Variants in PSG8 observed in about 807,000 individuals in gnomAD.
The protein encoded by PSG8 is pregnancy specific beta-1-glycoprotein 8.
Under a neutral mutation model 42.5 loss-of-function variants are expected in PSG8, and 57 were observed. The observed-to-expected ratio is 1.34, with a 90% CI of 1.08 to 1.67. The LOEUF (loss-of-function observed/expected upper bound fraction) is 1.67, where lower values mean the gene tolerates loss of function less well. Ranked by LOEUF, PSG8 falls within the 40% of genes most tolerant of loss-of-function variation. The probability of loss-of-function intolerance (pLI) is 0.00; values close to 1 mark genes in which losing one functional copy is unlikely to be tolerated. For synonymous variants in PSG8, 280 were observed against 196.8 expected, an observed-to-expected ratio of 1.42 and a Z score of -3.54; for missense variants, 783 against 518.6, an observed-to-expected ratio of 1.51 and a Z score of -4.95.
At position 42,758,252 on chromosome 19, in the gene PSG8, G is replaced by C. The variant is rs749942568; in HGVS notation, c.459C>G (p.Ser153Arg). 33 of 1,613,990 alleles carry C rather than the reference G, an allele frequency of 2.0e-5. No homozygotes were observed. The South Asian group carries it at 3.5e-4, about 17-fold the overall frequency. The change falls in exon 3 of 5, where the codon AGC (serine) becomes AGG (arginine). Residue 153 changes from serine to arginine, a missense_variant. Ser to Arg is a moderately radical substitution (Grantham distance 110). Transcript: ENST00000306511. Reference protein sequence around the residue: ...YLETPKPSISSSKLNPREAME... With the variant: ...YLETPKPSISRSKLNPREAME... Reference sequence around the variant, plus strand: ...TGGCCTCCCTGGGGTTTAATTTGCTGCTGGAGATGGAGGGCTTGGGAGTCT... The same window carrying C: ...TGGCCTCCCTGGGGTTTAATTTGCTCCTGGAGATGGAGGGCTTGGGAGTCT...
intron 3 of PSG8, among the ~76,000 whole-genome samples, chr19:42,756,830 C>T (rs1312301121): frequency 1.3e-5 from 2 of 151,696 alleles, no homozygotes; most frequent in African/African-American, 4.8e-5. Context: ...TTAATAAGAG[C>T]CTGTCAGGTG....
chr19:42,753,982 A>T (rs1323348133), downstream of PSG8: 2 of 652,462 alleles, frequency 3.1e-6, no homozygotes. Flanking sequence ...TATAAGCTAC[A>T]GATAGGTTAA....
intron 2 of PSG8, among the ~76,000 whole-genome samples, chr19:42,759,940 G>T (rs535827755): frequency 6.6e-6 from 1 of 152,242 alleles, no homozygotes; most frequent in Admixed American, 6.5e-5. Flanking sequence ...AGAGAGTCCC[G>T]TTAAAAGGAC....
downstream of PSG8, chr19:42,754,021 C>G (rs369647703): frequency 7.2e-5 from 63 of 876,820 alleles, 1 homozygote; most frequent in Admixed American, 3.7e-4. Flanking sequence ...ATGTAGAAAA[C>G]AAACCATTTA....
rs765843579 is a variant in PSG8 at position 42,755,142 on chromosome 19, C to A, written c.834G>T (p.Gln278His). Residue 278 changes from glutamine to histidine, a missense_variant, in exon 4 of 5, where the codon CAG (glutamine) becomes CAT (histidine). Coordinates refer to ENST00000306511, the MANE Select transcript of PSG8 (RefSeq NM_182707.3). ...NYTYIWWLNGQSLPVSPRVKR... is the reference protein window; with the variant it reads ...NYTYIWWLNGHSLPVSPRVKR... ...TTACCCTGGGACTGACCGGGAGGCT[C>A]TGACCATTTAGCCACCAAATGTAGG... 6 of 1,611,896 alleles carry A rather than the reference C, an allele frequency of 3.7e-6. No individual in the cohort carries two copies. Among genetic ancestry groups the A allele is most frequent in the Non-Finnish European group, 4.2e-6 (5 of 1,179,798 alleles).
downstream of PSG8, chr19:42,753,417 A>C (rs373914312): frequency 7.9e-5 from 61 of 773,486 alleles, no homozygotes; most frequent in African/African-American, 2.9e-4. Context: ...ATGAACAGAG[A>C]TGCAATCTCA....
At chr19:42,761,894 A>T (rs908979287) in intron 2 of PSG8, among the ~76,000 whole-genome samples, 2 of 112,230 alleles carry the variant, frequency 1.8e-5, no homozygotes, top group Non-Finnish European at 1.6e-5. Flanking sequence ...TTATGAGTGG[A>T]TGGAGGAACT....
chr19:42,754,054 G>A (rs545262924), downstream of PSG8: 100 of 1,066,924 alleles, frequency 9.4e-5, 2 homozygotes, highest in South Asian at 1.4e-3. Context: ...ATTTTCAAAT[G>A]AAAATCATAA....
chr19:42,754,650 C>G (rs1451882657), intron 4 of PSG8, 63 bp from the exon 5 acceptor site: 1 of 1,543,760 alleles, frequency 6.5e-7, no homozygotes, highest in Admixed American at 1.8e-5. Context: ...TTCCTGGTCT[C>G]TTAAAGGGAC....
At position 42,762,698 on chromosome 19, in the gene PSG8, C is replaced by T. The variant is rs550882270; in HGVS notation, c.430+1218G>A. ...AGGATTTCAGGTTCAGTGATGGGGGCTAAGATCTGAGGGGGAGGCCTGGAC... is the reference window on the plus strand; with the variant it reads ...AGGATTTCAGGTTCAGTGATGGGGGTTAAGATCTGAGGGGGAGGCCTGGAC... On this transcript the variant is annotated intron_variant, in intron 2 of 4. Transcript: ENST00000306511. 7.2e-5 allele frequency among the ~76,000 whole-genome samples: 11 copies of T among 151,862 alleles called. No individual in the cohort carries two copies. In the East Asian group the frequency reaches 1.6e-3, roughly 21 times the overall value.
At chr19:42,763,402 G>T (rs1970125880) in intron 2 of PSG8, among the ~76,000 whole-genome samples, 1 of 152,164 alleles carries the variant, frequency 6.6e-6, no homozygotes, top group Admixed American at 6.5e-5. Context: ...AGCTCCAGGA[G>T]ACACAGTCCT....
At position 42,754,646 on chromosome 19, in the gene PSG8, G is replaced by A. The variant is rs535044901; in HGVS notation, c.989-59C>T. The A allele has an allele frequency of 1.1e-4, 173 of 1,556,580 alleles. 1 individual carries two copies. The African/African-American group carries it at 1.9e-3, about 17-fold the overall frequency. On this transcript the variant is annotated intron_variant, in intron 4 of 4. Transcript: ENST00000306511. Reference sequence around the variant, plus strand: ...CATCTGAGGGAAGGGGATGTTCCTGGTCTCTTAAAGGGACACAGTGACCCT... The same window carrying A: ...CATCTGAGGGAAGGGGATGTTCCTGATCTCTTAAAGGGACACAGTGACCCT...
In PSG8 at chr19:42,754,542, C is replaced by A; in HGVS notation, c.1034G>T (p.Arg345Leu). The change falls in exon 5 of 5, where the codon CGT becomes CTT. Residue 345 changes from arginine to leucine, a missense_variant. By Grantham distance (102) the Arg-to-Leu change is moderately radical. Coordinates refer to ENST00000306511, the MANE Select transcript of PSG8 (RefSeq NM_182707.3). The stretch of plus-strand genomic sequence containing the variant: ...GGACAAGTAGAGGACTTCTCCTGAA[C>A]GGTAATAGGTGAATGAAGGGTAAAT... The part of the protein sequence containing the change: ...PRIYPSFTYY[R>L]SGEVLYLSCS... 6.2e-7 allele frequency: 1 copy of A among 1,613,628 alleles called. No individual in the cohort carries two copies. The highest frequency in any genetic ancestry group is 8.5e-7 in the Non-Finnish European group (1 of 1,179,732).
intron 2 of PSG8, among the ~76,000 whole-genome samples, chr19:42,759,902 G>T (rs768206882): frequency 8.5e-5 from 13 of 152,146 alleles, no homozygotes; most frequent in Non-Finnish European, 1.8e-4. Context: ...TGCCAATGGT[G>T]ATTTGAAATT....
At chr19:42,760,418 A>G (rs1231469582) in intron 2 of PSG8, among the ~76,000 whole-genome samples, 3 of 152,178 alleles carry the variant, frequency 2.0e-5, no homozygotes, top group Non-Finnish European at 2.9e-5. Context: ...AAAACAAAAT[A>G]TTAAATATGA....
chr19:42,758,891 G>A (rs563338278), intron 2 of PSG8: 7 of 158,936 alleles, frequency 4.4e-5, no homozygotes, highest in Admixed American at 2.9e-4. Flanking sequence ...TCTCATAGTG[G>A]CTGACTTGAG....
At chr19:42,760,675 T>C (rs1600416432) in intron 2 of PSG8, among the ~76,000 whole-genome samples, 2 of 152,038 alleles carry the variant, frequency 1.3e-5, no homozygotes, top group African/African-American at 4.8e-5. Context: ...CTCTGCCTCC[T>C]AGGTTCACGC....
rs1353773376 is a variant in PSG8, at chr19:42,755,515, A to G, written c.710-249T>C. 7 of 822,670 alleles carry G rather than the reference A, an allele frequency of 8.5e-6. No individual in the cohort carries two copies. In the East Asian group the frequency reaches 2.0e-4, roughly 23 times the overall value. The allele number at this position is 822,670 out of a possible 1,614,324, so 51.0% of individuals were successfully genotyped here. A position where few individuals can be genotyped will look rare whatever the true frequency, so the allele number is the denominator to read the frequency against. On this transcript the variant is annotated intron_variant, in intron 3 of 4. Transcript: ENST00000306511. ...ATTGAGCAGCAGTGTTGGGTCATGG[A>G]CAGACACGTCAGTGGAAGTCACAGC...
chr19:42,755,921 A>C (rs1969913579), intron 3 of PSG8: 1 of 155,488 alleles, frequency 6.4e-6, no homozygotes, highest in Admixed American at 6.2e-5. Context: ...GATAGAGCAG[A>C]GTGCAAGGAA....
Sources: gnomAD v4.1 joint callset for allele counts (sites outside exome capture counted in the v4.1 genomes callset) on GRCh38, gnomAD v4.1.1 for gene constraint, MANE v1.5 for transcripts, NCBI Gene and HGNC (gene_info 2026-07-23, HGNC 2026-07-21) for gene names.